Variants in PARD3B observed in about 807,000 individuals in gnomAD.
PARD3B encodes the protein partitioning defective 3 homolog B.
PARD3B carries 103 observed loss-of-function variants against 130.2 expected under a neutral mutation model. The ratio of observed to expected loss-of-function variants is 0.79; its 90% CI spans 0.67 to 0.93. The LOEUF (loss-of-function observed/expected upper bound fraction) is 0.93. Among genes scored for constraint, PARD3B ranks in the 40% least tolerant of loss-of-function variants. PARD3B has a pLI of 0.00. For missense variants in PARD3B, 1,609 were observed against 1,499.2 expected, an observed-to-expected ratio of 1.07 and a Z score of -1.21; for synonymous variants, 583 against 553.2, an observed-to-expected ratio of 1.05 and a Z score of -0.76.
chr2:205,500,479 T>A (rs866145523), intron 21 of PARD3B, among the ~76,000 whole-genome samples: 1 of 152,124 alleles, frequency 6.6e-6, no homozygotes, highest in Middle Eastern at 3.2e-3. Flanking sequence ...CTTACCGGCA[T>A]ACTAGGATGG....
intron 15 of PARD3B, among the ~76,000 whole-genome samples, chr2:205,200,676 C>T (rs371678572): frequency 6.6e-6 from 1 of 152,116 alleles, no homozygotes; most frequent in African/African-American, 2.4e-5. Flanking sequence ...TTTTCATTCT[C>T]GTTATGTAAA....
rs2047692432 is a variant in PARD3B at position 205,440,902 on chromosome 2, G to A, written c.3044+230G>A. The stretch of plus-strand genomic sequence containing the variant: ...GAATAGTAGTAGCAGAGTTCATGAT[G>A]CAATAGGGAGCCATTTTTGAAGGAG... On this transcript the variant is annotated intron_variant, in intron 20 of 22. Transcript: ENST00000406610. This position sits in a 1 kb window ranked among gnomAD's most constrained non-coding sequence, Gnocchi z 4.2. Among the ~76,000 whole-genome samples, 1 of 152,188 alleles carries A rather than the reference G, an allele frequency of 6.6e-6. No individual in the cohort carries two copies. Among genetic ancestry groups the A allele is most frequent in the Non-Finnish European group, 1.5e-5 (1 of 68,042 alleles).
At chr2:205,395,146 G>A (rs76748432) in intron 18 of PARD3B, among the ~76,000 whole-genome samples, 5 of 151,972 alleles carry the variant, frequency 3.3e-5, no homozygotes, top group Admixed American at 6.5e-5. Flanking sequence ...TTCAGCACTC[G>A]ACTGCACCTG....
chr2:205,379,900 T>C (rs762585510), intron 18 of PARD3B, among the ~76,000 whole-genome samples: 15 of 151,108 alleles, frequency 9.9e-5, no homozygotes, highest in Non-Finnish European at 1.5e-4. Flanking sequence ...AAACCCCGTG[T>C]CTACTAAAAA....
intron 2 of PARD3B, among the ~76,000 whole-genome samples, chr2:204,955,554 A>G (rs1004422022): frequency 2.6e-5 from 4 of 152,234 alleles, no homozygotes; most frequent in Non-Finnish European, 4.4e-5. Flanking sequence ...GAAAATGTAG[A>G]TCATTCATTT....
chr2:205,169,498 AC>A (rs2035025668), intron 11 of PARD3B, among the ~76,000 whole-genome samples: 1 of 152,166 alleles, frequency 6.6e-6, no homozygotes, highest in South Asian at 2.1e-4. Context: ...TCTGTTATCT[AC>A]CTCTTCACTC....
At chr2:205,215,225 A>G (rs2037845531) in intron 15 of PARD3B, among the ~76,000 whole-genome samples, 1 of 152,012 alleles carries the variant, frequency 6.6e-6, no homozygotes, top group Admixed American at 6.6e-5. Context: ...ACTATGGATA[A>G]TATATGTAAA....
chr2:205,083,550 T>G (rs1701562639), intron 4 of PARD3B, among the ~76,000 whole-genome samples: 1 of 152,030 alleles, frequency 6.6e-6, no homozygotes. Flanking sequence ...CCTCTTCTCT[T>G]TCATTTCTTT....
At chr2:205,251,023 T>C (rs1559588018) in intron 16 of PARD3B, among the ~76,000 whole-genome samples, 1 of 152,200 alleles carries the variant, frequency 6.6e-6, no homozygotes, top group Non-Finnish European at 1.5e-5. Flanking sequence ...ATGGTGGAGC[T>C]TATGCTTTGG....
intron 1 of PARD3B, among the ~76,000 whole-genome samples, chr2:204,680,301 T>A (rs1029980285): frequency 1.3e-5 from 2 of 152,050 alleles, no homozygotes; most frequent in African/African-American, 2.4e-5. Flanking sequence ...CTGTCCATTT[T>A]GTTGTATTTT....
intron 1 of PARD3B, among the ~76,000 whole-genome samples, chr2:204,591,006 A>G (rs1574510310): frequency 6.6e-6 from 1 of 152,198 alleles, no homozygotes; most frequent in Non-Finnish European, 1.5e-5. Flanking sequence ...GTTGGGGTTC[A>G]ATAACTTAAA....
At chr2:204,559,380 T>A (rs147661607) in intron 1 of PARD3B, among the ~76,000 whole-genome samples, 2,305 of 152,150 alleles carry the variant, frequency 0.015, 69 homozygotes, top group African/African-American at 0.053. Flanking sequence ...TGGGCAAAGG[T>A]TATGAACAGA....
At chr2:204,879,005 G>A (rs2125664331) in intron 2 of PARD3B, among the ~76,000 whole-genome samples, 1 of 152,094 alleles carries the variant, frequency 6.6e-6, no homozygotes, top group East Asian at 1.9e-4. Flanking sequence ...TGCTGTAGAT[G>A]CCCTTAGCTA....
intron 19 of PARD3B, among the ~76,000 whole-genome samples, chr2:205,415,442 TAACTC>T (rs1022585310): frequency 6.6e-6 from 1 of 152,098 alleles, no homozygotes; most frequent in African/African-American, 2.4e-5. Context: ...TGAGGAAACA[TAACTC>T]ATTTCACCAG....
chr2:205,557,713 G>A (rs1458935481), intron 22 of PARD3B, among the ~76,000 whole-genome samples: 8 of 152,194 alleles, frequency 5.3e-5, no homozygotes, highest in Admixed American at 3.9e-4. Flanking sequence ...AAGAGCCTGT[G>A]TAGTGCATTG....
chr2:205,382,809 G>T (rs1403277177), intron 18 of PARD3B, among the ~76,000 whole-genome samples: 1 of 151,986 alleles, frequency 6.6e-6, no homozygotes, highest in Non-Finnish European at 1.5e-5. Context: ...TTGTTGCTCA[G>T]ATTATTCAGT....
At chr2:204,882,228 T>C (rs1425749750) in intron 2 of PARD3B, among the ~76,000 whole-genome samples, 1 of 152,230 alleles carries the variant, frequency 6.6e-6, no homozygotes, top group Non-Finnish European at 1.5e-5. Context: ...GTACCATTTC[T>C]CTGTTTCCCA....
rs1415656030 is a variant in PARD3B, at chr2:205,245,822, G to C, written c.2185G>C (p.Glu729Gln). 6.3e-7 allele frequency: 1 copy of C among 1,588,968 alleles called. No homozygotes were observed. The highest frequency in any genetic ancestry group is 2.2e-5 in the East Asian group (1 of 44,710). The change falls in exon 16 of 23, where the codon GAA becomes CAA. Residue 729 changes from glutamate (E) to glutamine (Q), a missense_variant and splice_region_variant. Physicochemically the swap from Glu to Gln is conservative, Grantham distance 29. Transcript: ENST00000406610. ...TCACTCATTGGCTGGACAAAAATCGGGTAAGAAATTCCTTGTAACTGACTA... is the reference window on the plus strand; with the variant it reads ...TCACTCATTGGCTGGACAAAAATCGCGTAAGAAATTCCTTGTAACTGACTA... Reference protein sequence around the residue: ...KVHSLAGQKSESPSKDFGPTL... With the variant: ...KVHSLAGQKSQSPSKDFGPTL...
At chr2:204,999,538 C>A (rs2125275195) in intron 3 of PARD3B, among the ~76,000 whole-genome samples, 1 of 152,306 alleles carries the variant, frequency 6.6e-6, no homozygotes, top group African/African-American at 2.4e-5. Flanking sequence ...GTTCCAAGCG[C>A]ACCCAATCTT....
Sources: allele counts gnomAD v4.1 joint callset (sites outside exome capture counted in the v4.1 genomes callset), GRCh38; gene constraint gnomAD v4.1.1; non-coding constraint Gnocchi (gnomAD v3.1); transcripts MANE v1.5; gene names NCBI Gene and HGNC (gene_info 2026-07-23, HGNC 2026-07-21).